The following CAP1 variants were observed in gnomAD, a reference collection of about 807,000 sequenced individuals.
CAP1 encodes the protein cyclase associated actin cytoskeleton regulatory protein 1.
Under a neutral mutation model 58.2 loss-of-function variants are expected in CAP1, and 11 were observed. That is an observed-to-expected ratio of 0.19 (90% CI 0.12 to 0.31). The LOEUF is 0.31. CAP1 is among the 10% of genes least tolerant of loss of function. The probability of loss-of-function intolerance (pLI) is 1.00; values close to 1 mark genes in which losing one functional copy is unlikely to be tolerated. For synonymous variants in CAP1, 183 were observed against 213.8 expected (o/e 0.86, Z 1.26); for missense variants, 423 against 587.5 (o/e 0.72, Z 2.89).
At position 40,072,310 on chromosome 1, in the gene CAP1, T is replaced by C. The variant is rs955292434; in HGVS notation, c.*777T>C. 1.3e-5 allele frequency: 5 copies of C among 372,466 alleles called. No homozygotes were observed. In the Admixed American group the frequency reaches 2.3e-4, roughly 17 times the overall value. The allele number at this position is 372,466 out of a possible 1,614,324, so 23.1% of individuals were successfully genotyped here. ...AAGGAGTCTGGCATTCCTGAATCCT[T>C]CTTCCCTGCCAGGTGCCTGTCACCT... On this transcript the variant is annotated 3_prime_UTR_variant, in exon 13 of 13. Transcript: ENST00000372805.
intron 4 of CAP1, among the ~76,000 whole-genome samples, chr1:40,063,533 T>G (rs1400955133): frequency 6.6e-6 from 1 of 152,158 alleles, no homozygotes; most frequent in East Asian, 1.9e-4. Context: ...CAGTCTGTCT[T>G]GAACTCCTGG....
At chr1:40,051,256 T>C (rs1189313525) in intron 1 of CAP1, among the ~76,000 whole-genome samples, 1 of 152,138 alleles carries the variant, frequency 6.6e-6, no homozygotes, top group African/African-American at 2.4e-5. Flanking sequence ...TAATAAAACT[T>C]TTAAAAATAT....
chr1:40,065,754 A>C (rs1390031298), intron 6 of CAP1, among the ~76,000 whole-genome samples: 1 of 152,204 alleles, frequency 6.6e-6, no homozygotes, highest in Non-Finnish European at 1.5e-5. Context: ...TTTTGACATA[A>C]GGCATTGTCT....
intron 1 of CAP1, among the ~76,000 whole-genome samples, chr1:40,043,048 A>G (rs1040988872): frequency 2.6e-5 from 4 of 152,172 alleles, no homozygotes; most frequent in Non-Finnish European, 4.4e-5. Context: ...AAAGATGTCT[A>G]ATAAGGTGGG....
chr1:40,070,603 C>CT (rs1647728767), intron 11 of CAP1, 91 bp downstream of exon 11: 1 of 1,130,582 alleles, frequency 8.8e-7, no homozygotes, highest in South Asian at 1.3e-5. Flanking sequence ...TGGTGGGAAT[C>CT]TGATTCTACA....
intron 1 of CAP1, among the ~76,000 whole-genome samples, chr1:40,055,354 ATATAAT>A (rs1646566221): frequency 6.6e-6 from 1 of 152,116 alleles, no homozygotes; most frequent in Non-Finnish European, 1.5e-5. Flanking sequence ...TTAAATGCAA[ATATAAT>A]TATAAATATT....
chr1:40,062,234 A>C (rs61781908), intron 4 of CAP1, among the ~76,000 whole-genome samples: 17,567 of 151,168 alleles, frequency 0.12, 1,138 homozygotes, highest in East Asian at 0.23. Context: ...TCTCTCTTTA[A>C]TTTTACTCCC....
At chr1:40,061,697 A>G in intron 3 of CAP1, 38 bp from the exon 4 acceptor site, 3 of 1,551,256 alleles carry the variant, frequency 1.9e-6, no homozygotes, top group Non-Finnish European at 2.7e-6. Context: ...TTCTCTAGTT[A>G]TAATGTGTCA....
chr1:40,067,434 G>A (rs1267738047), intron 7 of CAP1, 106 bp from the exon 8 acceptor site: 10 of 935,060 alleles, frequency 1.1e-5, no homozygotes, highest in Non-Finnish European at 1.6e-5. Context: ...TTGCCTCAAA[G>A]GCTGTGGTGG....
At chr1:40,060,276 G>A (rs1433894307) in intron 3 of CAP1, 106 bp downstream of exon 3, 3 of 726,640 alleles carry the variant, frequency 4.1e-6, no homozygotes, top group Admixed American at 2.7e-5. Flanking sequence ...AGTTCCTCTT[G>A]GTTTGGGGCA....
At chr1:40,051,742 A>AT (rs111812634) in intron 1 of CAP1, among the ~76,000 whole-genome samples, 33 of 151,634 alleles carry the variant, frequency 2.2e-4, no homozygotes, top group East Asian at 1.2e-3. Flanking sequence ...TGCCTGGCTA[A>AT]TTTTTTTTAT....
At chr1:40,054,036 C>T (rs1298399453) in intron 1 of CAP1, among the ~76,000 whole-genome samples, 1 of 152,006 alleles carries the variant, frequency 6.6e-6, no homozygotes, top group African/African-American at 2.4e-5. Context: ...TTGTAAGGTC[C>T]TGCAAAAGCA....
chr1:40,066,461 G>C (rs1031218649), intron 7 of CAP1, 141 bp downstream of exon 7: 10 of 623,934 alleles, frequency 1.6e-5, no homozygotes, highest in Admixed American at 2.7e-5. Context: ...AAGAAAAGGA[G>C]GAGAAAGAAA....
At chr1:40,046,393 T>C (rs564078287) in intron 1 of CAP1, among the ~76,000 whole-genome samples, 12 of 152,032 alleles carry the variant, frequency 7.9e-5, no homozygotes, top group African/African-American at 2.9e-4. Context: ...GAGGTGGAGG[T>C]TGCAGTGAGC....
At chr1:40,062,818 A>AATATGTAGAATTAGATTTTAATTCTT (rs1646912820) in intron 4 of CAP1, among the ~76,000 whole-genome samples, 1 of 127,358 alleles carries the variant, frequency 7.9e-6, no homozygotes, top group African/African-American at 2.8e-5. Flanking sequence ...ATCTAATTCT[A>AATATGTAGAATTAGATTTTAATTCTT]ATATGTAGAA....
intron 7 of CAP1, chr1:40,067,251 G>A (rs987595483): frequency 1.4e-5 from 5 of 353,142 alleles, no homozygotes; most frequent in Non-Finnish European, 2.6e-5. Context: ...AGAGGTACTG[G>A]TAACACACTA....
In CAP1 at chr1:40,063,941, G is replaced by C. The variant is rs373034581; in HGVS notation, c.295-286G>C. On this transcript the variant is annotated intron_variant, in intron 4 of 12. Coordinates refer to ENST00000372805, the MANE Select transcript of CAP1 (RefSeq NM_006367.4). ...ATGATGTCCTGAGTGTATGTCCTCTGAGTGGAACAAAAAAGAGACAGGTGG... is the reference window on the plus strand; with the variant it reads ...ATGATGTCCTGAGTGTATGTCCTCTCAGTGGAACAAAAAAGAGACAGGTGG... 9.8e-5 allele frequency among the ~76,000 whole-genome samples: 15 copies of C among 152,324 alleles called. 1 individual carries two copies. The highest frequency in any genetic ancestry group is 3.9e-4 in the East Asian group (2 of 5,188).
At chr1:40,068,792 T>G (rs370644614) in intron 8 of CAP1, among the ~76,000 whole-genome samples, 1 of 152,034 alleles carries the variant, frequency 6.6e-6, no homozygotes, top group South Asian at 2.1e-4. Context: ...TATTTTTCCC[T>G]TAAAACATAA....
rs376589224 is a variant in CAP1, at chr1:40,060,154, G to A, written c.200G>A (p.Gly67Glu). The A allele has an allele frequency of 2.4e-5, 39 of 1,613,118 alleles. No homozygotes were observed. Among genetic ancestry groups the A allele is most frequent in the Middle Eastern group, 1.6e-4 (1 of 6,078 alleles). Residue 67 changes from glycine (G) to glutamate (E), a missense_variant, in exon 3 of 13, where the codon GGA (glycine) becomes GAA (glutamate). Transcript: ENST00000372805. Reference protein sequence around the residue: ...EYLKISKEIGGDVQKHAEMVH... With the variant: ...EYLKISKEIGEDVQKHAEMVH... ...TTGAAGATCAGTAAAGAGATTGGGG[G>A]AGACGTGCAGAAACATGTAAGGATG...
Sources: gnomAD v4.1 joint callset for allele counts (sites outside exome capture counted in the v4.1 genomes callset) on GRCh38, gnomAD v4.1.1 for gene constraint, MANE v1.5 for transcripts, NCBI Gene and HGNC (gene_info 2026-07-23, HGNC 2026-07-21) for gene names.